The following BNC2 variants were observed in gnomAD, a reference collection of about 807,000 sequenced individuals.
BNC2 encodes basonuclin zinc finger protein 2.
In BNC2, 20 loss-of-function variants were observed where a neutral mutation model predicts 76.3. That is an observed-to-expected ratio of 0.26 (90% CI 0.18 to 0.38). BNC2 has a LOEUF of 0.38. Among genes scored for constraint, BNC2 ranks in the 10% least tolerant of loss-of-function variants. The pLI is 1.00. For missense variants in BNC2, 1,382 were observed against 1,399.8 expected (o/e 0.99, Z 0.20); for synonymous variants, 582 against 514.8 (o/e 1.13, Z -1.77).
intron 3 of BNC2, among the ~76,000 whole-genome samples, chr9:16,683,033 T>TA (rs1025610115): frequency 1.5e-4 from 23 of 152,216 alleles, no homozygotes; most frequent in African/African-American, 5.5e-4. Flanking sequence ...GGAAAGTAAA[T>TA]AAAGTTACAG....
chr9:16,743,391 T>A (rs1824907009), intron 1 of BNC2, among the ~76,000 whole-genome samples: 1 of 152,188 alleles, frequency 6.6e-6, no homozygotes, highest in African/African-American at 2.4e-5. Context: ...GGCATCTCTT[T>A]CCTGGTTCTA....
rs144667089 is a variant in BNC2, at chr9:16,546,427, A to G, written c.669+6103T>C. Among the ~76,000 whole-genome samples, 711 of 152,312 alleles carry G rather than the reference A, an allele frequency of 4.7e-3. 5 individuals carry two copies. The highest frequency in any genetic ancestry group is 0.016 in the African/African-American group (672 of 41,582). On this transcript the variant is annotated intron_variant, in intron 5 of 6. Coordinates refer to ENST00000380672, the MANE Select transcript of BNC2 (RefSeq NM_017637.6). ...GGAAAGACTACTTCATCTCTCTTCC[A>G]ATCCCTGCACATGGTATAGCTGAAA...
At position 16,481,952 on chromosome 9, in the gene BNC2, C is replaced by G. The variant is rs115181605; in HGVS notation, c.670-44428G>C. Among the ~76,000 whole-genome samples, 1,057 of 152,266 alleles carry G rather than the reference C, an allele frequency of 6.9e-3. 15 individuals carry two copies. Among genetic ancestry groups the G allele is most frequent in the African/African-American group, 0.024 (1,000 of 41,534 alleles). ...AATCTTAGTACCAACTTCACGGGAT[C>G]ATTATGTGAATTATACTGGATAATC... On this transcript the variant is annotated intron_variant, in intron 5 of 6. Transcript: ENST00000380672.
At chr9:16,465,251 C>A (rs1242697476) in intron 5 of BNC2, among the ~76,000 whole-genome samples, 1 of 152,094 alleles carries the variant, frequency 6.6e-6, no homozygotes, top group African/African-American at 2.4e-5. Flanking sequence ...GCCTGGCCAA[C>A]ATGGCAAAAC....
chr9:16,472,234 C>T (rs1166462185), intron 5 of BNC2, among the ~76,000 whole-genome samples: 1 of 152,196 alleles, frequency 6.6e-6, no homozygotes, highest in African/African-American at 2.4e-5. Context: ...AGGTATATAA[C>T]CTCACTGCTT....
chr9:16,565,205 A>G (rs1046791437), intron 4 of BNC2, among the ~76,000 whole-genome samples: 1 of 152,082 alleles, frequency 6.6e-6, no homozygotes, highest in African/African-American at 2.4e-5. Context: ...CAAAATTTCC[A>G]ATGACGTCCC....
At position 16,759,254 on chromosome 9, in the gene BNC2, T is replaced by G. The variant is rs532718499; in HGVS notation, c.4-20769A>C. Among the ~76,000 whole-genome samples the G allele has an allele frequency of 5.1e-4, 77 of 152,298 alleles. 1 individual carries two copies. The highest frequency in any genetic ancestry group is 1.8e-3 in the Admixed American group (27 of 15,304). On this transcript the variant is annotated intron_variant, in intron 1 of 6. Coordinates refer to ENST00000380672, the MANE Select transcript of BNC2 (RefSeq NM_017637.6). ...TAATTCACTAATTGCTTTTACTATT[T>G]TTGTACTTTGTTATGATAAGGGTCT...
chr9:16,856,277 T>TCACACA (rs5896710), intron 1 of BNC2, among the ~76,000 whole-genome samples: 17,270 of 148,116 alleles, frequency 0.12, 1,222 homozygotes, highest in South Asian at 0.23. Context: ...TCTCTCTCTC[T>TCACACA]CACACACACA....
At chr9:16,571,809 G>C (rs998997898) in intron 4 of BNC2, among the ~76,000 whole-genome samples, 36 of 151,966 alleles carry the variant, frequency 2.4e-4, no homozygotes, top group Non-Finnish European at 3.7e-4. Context: ...CGCTGACAAG[G>C]TTTTTGCCTG....
At chr9:16,617,527 GAA>G (rs56667008) in intron 3 of BNC2, among the ~76,000 whole-genome samples, 5,573 of 137,986 alleles carry the variant, frequency 0.04, 230 homozygotes, top group South Asian at 0.15. Context: ...ACAGATGGAG[GAA>G]AAAAAAAAAA....
chr9:16,516,859 A>T (rs1464106313), intron 5 of BNC2, among the ~76,000 whole-genome samples: 2 of 152,244 alleles, frequency 1.3e-5, no homozygotes, highest in Non-Finnish European at 2.9e-5. Context: ...AGGTGATTCT[A>T]ACTCTAAATG....
At position 16,418,873 on chromosome 9, in the gene BNC2, GCACACACACACA is replaced by G. The variant is rs3223265; in HGVS notation, c.*104_*115del. 1.1e-5 allele frequency: 10 copies of G among 881,000 alleles called. No homozygotes were observed. The highest frequency in any genetic ancestry group is 3.6e-5 in the African/African-American group (2 of 56,194). 54.6% of individuals were successfully genotyped at this position (881,000 alleles called of 1,614,324 possible). On this transcript the variant is annotated 3_prime_UTR_variant, in exon 7 of 7. Transcript: ENST00000380672. ...ATGTAGCCACAGAGCATACATAAAT[GCACACACACACA>G]CACACACACACACACCCCAAGTACA... is the stretch of plus-strand genomic sequence containing the variant.
chr9:16,710,326 G>A (rs1823800151), intron 3 of BNC2, among the ~76,000 whole-genome samples: 1 of 152,166 alleles, frequency 6.6e-6, no homozygotes, highest in Admixed American at 6.5e-5. Context: ...GTATCACACA[G>A]AGTCCATTGA....
At chr9:16,571,823 C>G (rs10962492) in intron 4 of BNC2, among the ~76,000 whole-genome samples, 27,795 of 151,938 alleles carry the variant, frequency 0.18, 4,826 homozygotes, top group African/African-American at 0.45. Flanking sequence ...TTGCCTGACA[C>G]AGATTCTGCA....
chr9:16,796,145 A>G (rs1033608848), intron 1 of BNC2, among the ~76,000 whole-genome samples: 1 of 152,204 alleles, frequency 6.6e-6, no homozygotes, highest in Non-Finnish European at 1.5e-5. Context: ...ACAGAGACAA[A>G]GCCAGTATGA....
intron 3 of BNC2, among the ~76,000 whole-genome samples, chr9:16,601,678 G>T (rs1476998250): frequency 7.3e-6 from 1 of 136,184 alleles, no homozygotes; most frequent in East Asian, 2.2e-4. Context: ...TACCTAAATG[G>T]CTATCCATTT....
intron 1 of BNC2, among the ~76,000 whole-genome samples, chr9:16,785,595 AC>A (rs1317921598): frequency 2.2e-5 from 3 of 136,950 alleles, no homozygotes; most frequent in Non-Finnish European, 4.6e-5. Flanking sequence ...GTGAGGTTTC[AC>A]CATGTTGGCC....
intron 1 of BNC2, among the ~76,000 whole-genome samples, chr9:16,836,320 G>C (rs558923552): frequency 3.9e-5 from 6 of 152,030 alleles, no homozygotes; most frequent in Non-Finnish European, 8.8e-5. Context: ...CGTTTTTTTA[G>C]GGTATAATCA....
chr9:16,726,568 A>C (rs1282395301), intron 3 of BNC2, among the ~76,000 whole-genome samples: 2 of 151,904 alleles, frequency 1.3e-5, no homozygotes, highest in African/African-American at 4.8e-5. Flanking sequence ...TTAAAAAAAA[A>C]AAAAAAAAAA....
Sources: allele counts gnomAD v4.1 joint callset (sites outside exome capture counted in the v4.1 genomes callset), GRCh38; gene constraint gnomAD v4.1.1; transcripts MANE v1.5; gene names NCBI Gene and HGNC (gene_info 2026-07-23, HGNC 2026-07-21).